GALNTL6: variants seen among roughly 807,000 people sequenced by gnomAD.
GALNTL6 encodes the protein polypeptide N-acetylgalactosaminyltransferase-like 6.
Under a neutral mutation model 73.7 loss-of-function variants are expected in GALNTL6, and 46 were observed. The ratio of observed to expected loss-of-function variants is 0.62; its 90% CI spans 0.49 to 0.80. The LOEUF (loss-of-function observed/expected upper bound fraction) is 0.80, where lower values mean the gene tolerates loss of function less well. Among genes scored for constraint, GALNTL6 ranks in the 30% least tolerant of loss-of-function variants. The probability of loss-of-function intolerance (pLI) is 0.00; values close to 1 mark genes in which losing one functional copy is unlikely to be tolerated. For synonymous variants in GALNTL6, 259 were observed against 263.7 expected (o/e 0.98, Z 0.17); for missense variants, 604 against 755.0 (o/e 0.80, Z 2.34).
chr4:172,568,750 T>C (rs1278313574), intron 5 of GALNTL6, among the ~76,000 whole-genome samples: 2 of 72,220 alleles, frequency 2.8e-5, no homozygotes, highest in African/African-American at 1.2e-4. Flanking sequence ...AGAGCGAGAC[T>C]CCATCTCAAA....
At chr4:172,810,722 A>G (rs1741248328) in intron 6 of GALNTL6, among the ~76,000 whole-genome samples, 1 of 152,192 alleles carries the variant, frequency 6.6e-6, no homozygotes, top group Non-Finnish European at 1.5e-5. Context: ...AGTTATCCTA[A>G]TCAACTGAAT....
intron 5 of GALNTL6, among the ~76,000 whole-genome samples, chr4:172,429,899 A>G (rs1315099632): frequency 1.3e-5 from 2 of 152,164 alleles, no homozygotes; most frequent in South Asian, 2.1e-4. Context: ...AATGGGTTAG[A>G]TGGGTATCAT....
intron 5 of GALNTL6, among the ~76,000 whole-genome samples, chr4:172,777,628 T>G (rs974354755): frequency 6.6e-6 from 1 of 152,228 alleles, no homozygotes; most frequent in Non-Finnish European, 1.5e-5. Context: ...TCATTCATTT[T>G]CTTATCATTT....
chr4:172,788,684 A>AAG (rs976320661), intron 5 of GALNTL6, among the ~76,000 whole-genome samples: 25 of 151,594 alleles, frequency 1.6e-4, no homozygotes, highest in Non-Finnish European at 2.8e-4. Context: ...AAAAAAAAAA[A>AAG]AAAAAAAGAT....
chr4:171,992,870 G>T (rs1740380117), intron 2 of GALNTL6, among the ~76,000 whole-genome samples: 1 of 152,022 alleles, frequency 6.6e-6, no homozygotes, highest in South Asian at 2.1e-4. Context: ...TTAAGAAAAT[G>T]ATTGGTGAAG....
At chr4:171,857,974 A>T (rs1426609685) in intron 2 of GALNTL6, among the ~76,000 whole-genome samples, 1 of 152,206 alleles carries the variant, frequency 6.6e-6, no homozygotes, top group Non-Finnish European at 1.5e-5. Context: ...TCACTGAAAG[A>T]CATCGGTGCT....
intron 2 of GALNTL6, among the ~76,000 whole-genome samples, chr4:172,202,102 T>C (rs751556551): frequency 1.3e-5 from 2 of 152,158 alleles, no homozygotes; most frequent in Non-Finnish European, 2.9e-5. Context: ...CTCATGTAAA[T>C]GTAGATATCT....
chr4:172,563,831 T>C (rs965798849), intron 5 of GALNTL6, among the ~76,000 whole-genome samples: 1 of 152,210 alleles, frequency 6.6e-6, no homozygotes, highest in Non-Finnish European at 1.5e-5. Context: ...TCTCCAAATA[T>C]GGTTTTTTTA....
At chr4:172,127,409 C>T (rs924600059) in intron 2 of GALNTL6, among the ~76,000 whole-genome samples, 2 of 152,228 alleles carry the variant, frequency 1.3e-5, no homozygotes, top group African/African-American at 2.4e-5. Context: ...ATGCAACAGC[C>T]GCAGGCTGGG....
At chr4:171,940,847 AT>A (rs1374336497) in intron 2 of GALNTL6, among the ~76,000 whole-genome samples, 6 of 142,700 alleles carry the variant, frequency 4.2e-5, no homozygotes, top group African/African-American at 1.5e-4. Context: ...AAATAAATAA[AT>A]AAATAAATAA....
intron 5 of GALNTL6, among the ~76,000 whole-genome samples, chr4:172,481,081 G>T (rs997623021): frequency 6.6e-6 from 1 of 152,118 alleles, no homozygotes; most frequent in Non-Finnish European, 1.5e-5. Flanking sequence ...TCTTAAAGGT[G>T]GTGTGTCCGG....
intron 2 of GALNTL6, among the ~76,000 whole-genome samples, chr4:172,201,538 T>TA (rs397973116): frequency 6.6e-6 from 1 of 151,926 alleles, no homozygotes; most frequent in African/African-American, 2.4e-5. Context: ...TTTTTGTTTT[T>TA]AATAAGAATA....
intron 10 of GALNTL6, among the ~76,000 whole-genome samples, chr4:172,953,373 A>C (rs1749555388): frequency 6.6e-6 from 1 of 152,216 alleles, no homozygotes; most frequent in Admixed American, 6.5e-5. Flanking sequence ...GGGGAAATGC[A>C]TGAAGGCTAG....
rs1734450136 is a variant in GALNTL6 at position 172,512,042 on chromosome 4, T to A, written c.553+163353T>A. Among the ~76,000 whole-genome samples the A allele has an allele frequency of 3.6e-5, 2 of 55,106 alleles. 1 individual carries two copies. Among genetic ancestry groups the A allele is most frequent in the African/African-American group, 9.0e-5 (2 of 22,172 alleles). The allele number at this position is 55,106 out of a possible 152,430, so 36.2% of individuals were successfully genotyped here. A position where few individuals can be genotyped will look rare whatever the true frequency, so the allele number is the denominator to read the frequency against. On this transcript the variant is annotated intron_variant, in intron 5 of 12. Coordinates refer to ENST00000506823, the MANE Select transcript of GALNTL6 (RefSeq NM_001034845.3). ...TAGTGCTGTCAGTGGAGTATTGTAG[T>A]CCCCCACTACTATTGTGTTGCCATG...
intron 9 of GALNTL6, among the ~76,000 whole-genome samples, chr4:172,941,894 C>A (rs951716863): frequency 2.6e-5 from 4 of 152,190 alleles, no homozygotes; most frequent in South Asian, 4.1e-4. Context: ...AACTTCTTCC[C>A]ATGAGATGTG....
intron 5 of GALNTL6, among the ~76,000 whole-genome samples, chr4:172,635,559 C>T (rs1014870112): frequency 2.0e-5 from 3 of 152,056 alleles, no homozygotes; most frequent in Admixed American, 6.6e-5. Flanking sequence ...GCTATCATAC[C>T]TTCCTCACAA....
chr4:172,564,898 T>G lies in GALNTL6; in HGVS notation c.553+216209T>G, dbSNP rs528399140. On this transcript the variant is annotated intron_variant, in intron 5 of 12. Coordinates refer to ENST00000506823, the MANE Select transcript of GALNTL6 (RefSeq NM_001034845.3). ...CAGAGGAAAGTAAATCAAAGGCAATTGCATTAACTAATGTTAAATGGGTGT... is the reference window on the plus strand; with the variant it reads ...CAGAGGAAAGTAAATCAAAGGCAATGGCATTAACTAATGTTAAATGGGTGT... Among the ~76,000 whole-genome samples, 3 of 152,328 alleles carry G rather than the reference T, an allele frequency of 2.0e-5. No individual in the cohort carries two copies. The South Asian group carries it at 6.2e-4, about 32-fold the overall frequency.
At chr4:172,045,773 AAAG>A (rs994376643) in intron 2 of GALNTL6, among the ~76,000 whole-genome samples, 1 of 151,800 alleles carries the variant, frequency 6.6e-6, no homozygotes, top group African/African-American at 2.4e-5. Context: ...TAAAAAAAAA[AAAG>A]AAAAAAGAAA....
intron 3 of GALNTL6, among the ~76,000 whole-genome samples, chr4:172,296,565 A>G (rs953627454): frequency 2.6e-5 from 4 of 151,400 alleles, no homozygotes; most frequent in African/African-American, 7.3e-5. Flanking sequence ...TCCTGTGTCC[A>G]TGTGTTCTCA....
Sources: gnomAD v4.1 joint callset for allele counts (sites outside exome capture counted in the v4.1 genomes callset) on GRCh38, gnomAD v4.1.1 for gene constraint, MANE v1.5 for transcripts, NCBI Gene and HGNC (gene_info 2026-07-23, HGNC 2026-07-21) for gene names.